The following DLGAP3 variants were observed in gnomAD, a reference collection of about 807,000 sequenced individuals.
DLGAP3 encodes the protein disks large-associated protein 3.
Under a neutral mutation model 81.2 loss-of-function variants are expected in DLGAP3, and 17 were observed. The ratio of observed to expected loss-of-function variants is 0.21; its 90% confidence interval spans 0.14 to 0.31. DLGAP3 has a LOEUF of 0.31. DLGAP3 is among the 10% of genes least tolerant of loss of function. The pLI is 1.00. For synonymous variants in DLGAP3, 577 were observed against 587.4 expected, an observed-to-expected ratio of 0.98 and a Z score of 0.26; for missense variants, 1,124 against 1,388.0, an observed-to-expected ratio of 0.81 and a Z score of 3.02.
rs1639435220 is a variant in DLGAP3 at position 34,900,235 on chromosome 1, G to A, written c.1146C>T (p.Gly382=). 4 of 1,614,044 alleles carry A rather than the reference G, an allele frequency of 2.5e-6. No individual in the cohort carries two copies. Among genetic ancestry groups the A allele is most frequent in the Non-Finnish European group, 3.4e-6 (4 of 1,180,032 alleles). Reference sequence around the variant, plus strand: ...TGCGGCAGGGGATCTCCCCATCCTTGCCACCGGTGGGGTAACCCCCCCAGT... The same window carrying A: ...TGCGGCAGGGGATCTCCCCATCCTTACCACCGGTGGGGTAACCCCCCCAGT... The part of the protein sequence containing the change: ...QDDWGGYPTG[G]KDGEIPCRRM... Residue 382 remains glycine (G), a synonymous_variant, in exon 4 of 12, where the codon GGC becomes GGT. Coordinates refer to ENST00000373347, the MANE Select transcript of DLGAP3 (RefSeq NM_001080418.3). This position sits in a 1 kb window ranked among gnomAD's most constrained non-coding sequence, Gnocchi z 5.6.
intron 3 of DLGAP3, among the ~76,000 whole-genome samples, chr1:34,903,762 C>T (rs563381096): frequency 2.4e-4 from 36 of 152,322 alleles, no homozygotes; most frequent in African/African-American, 8.4e-4. Context: ...GTCCCACCAC[C>T]GGTACCCCGG....
intron 1 of DLGAP3, among the ~76,000 whole-genome samples, chr1:34,919,608 C>A (rs1383417210): frequency 2.0e-5 from 3 of 152,056 alleles, no homozygotes; most frequent in African/African-American, 7.2e-5. Flanking sequence ...GTGAAATCCC[C>A]ATATCTACTA....
Position 34,899,752 on chromosome 1 carries a change from G to A in DLGAP3, c.1314-11C>T, listed in dbSNP as rs1639426935. Reference sequence around the variant, plus strand: ...GGTGGGACACAGCAGCTGGAAAAGGGCAAAATTCCGGAGTCAGAACAGTGG... The same window carrying A: ...GGTGGGACACAGCAGCTGGAAAAGGACAAAATTCCGGAGTCAGAACAGTGG... On this transcript the variant is annotated splice_polypyrimidine_tract_variant and intron_variant, in intron 4 of 11. Transcript: ENST00000373347. 6.2e-7 allele frequency: 1 copy of A among 1,613,264 alleles called. No homozygotes were observed. Among genetic ancestry groups the A allele is most frequent in the Non-Finnish European group, 8.5e-7 (1 of 1,179,412 alleles).
intron 5 of DLGAP3, among the ~76,000 whole-genome samples, chr1:34,891,809 A>G (rs1323697231): frequency 6.6e-6 from 1 of 152,258 alleles, no homozygotes; most frequent in African/African-American, 2.4e-5. Flanking sequence ...GCTTAAAATA[A>G]AAATAAGAAG....
rs774398631 is a variant in DLGAP3, at chr1:34,905,177, C to T, written c.207G>A (p.Pro69=). The change falls in exon 3 of 12, where the codon CCG becomes CCA. Residue 69 remains proline, a synonymous_variant. Coordinates refer to ENST00000373347, the MANE Select transcript of DLGAP3 (RefSeq NM_001080418.3). ...PEGPLSLSEG[P]SVGPEGGPAG... ...CTGGCCCTCCCTCAGGGCCTACCGA[C>T]GGCCCCTCACTCAGGCTCAGGGGCC... is the stretch of plus-strand genomic sequence containing the variant. 1.5e-5 allele frequency: 23 copies of T among 1,578,140 alleles called. No homozygotes were observed. Among genetic ancestry groups the T allele is most frequent in the Admixed American group, 3.7e-5 (2 of 54,658 alleles).
intron 7 of DLGAP3, 88 bp downstream of exon 7, chr1:34,885,390 G>A: frequency 7.1e-7 from 1 of 1,400,818 alleles, no homozygotes; most frequent in Non-Finnish European, 9.9e-7. Flanking sequence ...AAAGAATGTC[G>A]ATATATCCAG....
chr1:34,867,349 C>T lies in DLGAP3; in HGVS notation c.2578-158G>A, dbSNP rs1638901908. ...GGGGGACAAGAGCGAGCCCAGGACT[C>T]CCCTTCTTGTGCACAAACACCTGGT... On this transcript the variant is annotated intron_variant, in intron 10 of 11. Transcript: ENST00000373347. This position sits in a 1 kb window ranked among gnomAD's most constrained non-coding sequence, Gnocchi z 4.3. 6.6e-6 allele frequency among the ~76,000 whole-genome samples: 1 copy of T among 152,100 alleles called. No homozygotes were observed. The highest frequency in any genetic ancestry group is 2.4e-5 in the African/African-American group (1 of 41,398).
chr1:34,910,709 T>C (rs897655452), intron 1 of DLGAP3, among the ~76,000 whole-genome samples: 7 of 152,202 alleles, frequency 4.6e-5, no homozygotes, highest in Non-Finnish European at 1.0e-4. Context: ...GGGGAAGCTT[T>C]CTCTGGCCTC....
chr1:34,924,360 C>T lies in DLGAP3; in HGVS notation c.-135+5091G>A, dbSNP rs1639836764. Among the ~76,000 whole-genome samples, 5 of 152,098 alleles carry T rather than the reference C, an allele frequency of 3.3e-5. No individual in the cohort carries two copies. In the South Asian group the frequency reaches 1.0e-3, roughly 32 times the overall value. On this transcript the variant is annotated intron_variant, in intron 1 of 11. Coordinates refer to ENST00000373347, the MANE Select transcript of DLGAP3 (RefSeq NM_001080418.3). ...AACAACCCCACCCACTCCTTGAATCCTTTGCTTAAAAATCTTCCTCCCCAA... is the reference window on the plus strand; with the variant it reads ...AACAACCCCACCCACTCCTTGAATCTTTTGCTTAAAAATCTTCCTCCCCAA...
At chr1:34,888,081 C>T (rs1639261416) in intron 5 of DLGAP3, among the ~76,000 whole-genome samples, 1 of 152,188 alleles carries the variant, frequency 6.6e-6, no homozygotes, top group Non-Finnish European at 1.5e-5. Context: ...GACAGCATCC[C>T]ATGGCAAACA....
In DLGAP3 at chr1:34,866,079, C is replaced by T. The variant is rs1300546637; in HGVS notation, c.*4G>A. The T allele has an allele frequency of 6.3e-7, 1 of 1,594,614 alleles. No individual in the cohort carries two copies. Among genetic ancestry groups the T allele is most frequent in the South Asian group, 1.1e-5 (1 of 90,468 alleles). On this transcript the variant is annotated 3_prime_UTR_variant, in exon 12 of 12. Transcript: ENST00000373347. ...CCCGGGCCGGGCTGGGCGGGCCGGA[C>T]CGGTCACAGCCTGGTCTGGGCCTCG... is the stretch of plus-strand genomic sequence containing the variant.
In DLGAP3 at chr1:34,885,693, C is replaced by A. The variant is rs1215757336; in HGVS notation, c.1699G>T (p.Glu567Ter). Residue 567 changes from glutamate to a stop codon, truncating the protein, a stop_gained, in exon 7 of 12, where the codon GAG becomes TAG. Coordinates refer to ENST00000373347, the MANE Select transcript of DLGAP3 (RefSeq NM_001080418.3). LOFTEE classifies it high-confidence loss of function. ...GGGCCCTCGGCCGCCGTGAAGCTCTCGTGCGCGGAGTCGGTGCTGCTCTGG... is the reference window on the plus strand; with the variant it reads ...GGGCCCTCGGCCGCCGTGAAGCTCTAGTGCGCGGAGTCGGTGCTGCTCTGG... ...TAQSSTDSAH[E>*]SFTAAEGPAR... is the part of the protein sequence containing the mutation. 1 of 1,414,418 alleles carries A rather than the reference C, an allele frequency of 7.1e-7. No homozygotes were observed. The highest frequency in any genetic ancestry group is 9.1e-7 in the Non-Finnish European group (1 of 1,094,286). 87.6% of individuals were successfully genotyped at this position (1,414,418 alleles called of 1,614,324 possible).
chr1:34,904,261 C>G lies in DLGAP3; in HGVS notation c.1107+16G>C. The G allele has an allele frequency of 6.2e-7, 1 of 1,601,012 alleles. No individual in the cohort carries two copies. On this transcript the variant is annotated intron_variant, in intron 3 of 11. Coordinates refer to ENST00000373347, the MANE Select transcript of DLGAP3 (RefSeq NM_001080418.3). The surrounding 1 kb of genome is among the most constrained non-coding windows in gnomAD (Gnocchi z 8.1). Reference sequence around the variant, plus strand: ...AAGGCTAAGGACTCTGTTCCCCAACCCCAAAAAAGCCTCACCTGCAGATAG... The same window carrying G: ...AAGGCTAAGGACTCTGTTCCCCAACGCCAAAAAAGCCTCACCTGCAGATAG...
chr1:34,867,155 G>T lies in DLGAP3; in HGVS notation c.2614C>A (p.Leu872Met). The T allele has an allele frequency of 6.2e-7, 1 of 1,614,216 alleles. No homozygotes were observed. Among genetic ancestry groups the T allele is most frequent in the Non-Finnish European group, 8.5e-7 (1 of 1,180,032 alleles). The change falls in exon 11 of 12, where the codon CTG becomes ATG. Residue 872 changes from leucine (L) to methionine (M), a missense_variant. Transcript: ENST00000373347. This position sits in a 1 kb window ranked among gnomAD's most constrained non-coding sequence, Gnocchi z 4.3. ...TGTAGGAGGTCCCAGAAACCCGCCA[G>T]GTCCTGGAAGGTGGGCACAGGGAAC... ...TAFPVPTFQD[L>M]AGFWDLLQLS...
At chr1:34,923,306 GA>G (rs1448597071) in intron 1 of DLGAP3, among the ~76,000 whole-genome samples, 2 of 152,172 alleles carry the variant, frequency 1.3e-5, no homozygotes, top group East Asian at 3.9e-4. Flanking sequence ...GGAGCTTCAT[GA>G]TCAGTGAATC....
intron 1 of DLGAP3, among the ~76,000 whole-genome samples, chr1:34,927,079 TCAAGA>T (rs1639883847): frequency 6.6e-6 from 1 of 151,790 alleles, no homozygotes; most frequent in African/African-American, 2.4e-5. Flanking sequence ...CCAGCAGGAA[TCAAGA>T]CAAGACAAGC....
chr1:34,893,202 A>G (rs942622199), intron 5 of DLGAP3, among the ~76,000 whole-genome samples: 2 of 149,612 alleles, frequency 1.3e-5, no homozygotes, highest in Admixed American at 6.7e-5. Flanking sequence ...AAAAAAAACA[A>G]TGAACACCAG....
intron 8 of DLGAP3, among the ~76,000 whole-genome samples, chr1:34,876,470 G>A (rs938752141): frequency 2.0e-5 from 3 of 152,228 alleles, no homozygotes; most frequent in African/African-American, 7.2e-5. Flanking sequence ...TGTGTGGCGG[G>A]CCAGGCCTGA....
In DLGAP3 at chr1:34,929,469, C is replaced by G. The variant is rs1639923537; in HGVS notation, c.-153G>C. On this transcript the variant is annotated 5_prime_UTR_variant, in exon 1 of 12. Coordinates refer to ENST00000373347, the MANE Select transcript of DLGAP3 (RefSeq NM_001080418.3). This position sits in a 1 kb window ranked among gnomAD's most constrained non-coding sequence, Gnocchi z 6.5. ...GGCTTACCTGGCCCGGCTCGGGCTCCGGCCGGGTTACATGGTGCCGGCGGC... is the reference window on the plus strand; with the variant it reads ...GGCTTACCTGGCCCGGCTCGGGCTCGGGCCGGGTTACATGGTGCCGGCGGC... The G allele has an allele frequency of 6.7e-6, 1 of 148,230 alleles. No individual in the cohort carries two copies. The highest frequency in any genetic ancestry group is 2.4e-5 in the African/African-American group (1 of 40,978). 9.2% of individuals were successfully genotyped at this position (148,230 alleles called of 1,614,324 possible). A position where few individuals can be genotyped will look rare whatever the true frequency, so the allele number is the denominator to read the frequency against.
Sources: gnomAD v4.1 joint callset for allele counts (sites outside exome capture counted in the v4.1 genomes callset) on GRCh38, gnomAD v4.1.1 for gene constraint, Gnocchi (gnomAD v3.1) non-coding constraint, MANE v1.5 for transcripts, NCBI Gene and HGNC (gene_info 2026-07-23, HGNC 2026-07-21) for gene names.